RUNX1: variants seen among roughly 807,000 people sequenced by gnomAD.
RUNX1 encodes the protein RUNX family transcription factor 1, also known as runt-related transcription factor 1.
A neutral mutation model predicts 42.8 loss-of-function variants in RUNX1; 19 were observed. The observed-to-expected ratio is 0.44, with a 90% CI of 0.31 to 0.65. The LOEUF (loss-of-function observed/expected upper bound fraction) is 0.65, where lower values mean the gene tolerates loss of function less well. RUNX1 is among the 30% of genes least tolerant of loss of function. RUNX1 has a pLI of 0.07. For missense variants in RUNX1, 528 were observed against 672.0 expected, an observed-to-expected ratio of 0.79 and a Z score of 2.37; for synonymous variants, 271 against 289.4, an observed-to-expected ratio of 0.94 and a Z score of 0.64.
chr21:34,809,884 C>T (rs190038783), intron 7 of RUNX1, among the ~76,000 whole-genome samples: 5 of 152,184 alleles, frequency 3.3e-5, no homozygotes, highest in African/African-American at 4.8e-5. Context: ...AAATGATGAA[C>T]CCCCTAACCT....
At chr21:34,968,355 G>A (rs537619445) in intron 2 of RUNX1, among the ~76,000 whole-genome samples, 104 of 152,286 alleles carry the variant, frequency 6.8e-4, no homozygotes, top group Non-Finnish European at 1.3e-3. Flanking sequence ...GTCCTTTGGC[G>A]TGGCCTCTGA....
At chr21:34,850,179 G>A (rs2146185245) in intron 6 of RUNX1, among the ~76,000 whole-genome samples, 1 of 152,340 alleles carries the variant, frequency 6.6e-6, no homozygotes, top group East Asian at 1.9e-4. Flanking sequence ...GGGATGCTGT[G>A]ACTGCCAACC....
At chr21:34,880,818 TTTC>T in intron 4 of RUNX1, 105 bp from the exon 5 acceptor site, 1 of 1,207,796 alleles carries the variant, frequency 8.3e-7, no homozygotes, top group Non-Finnish European at 1.2e-6. Context: ...TATTCAATGA[TTTC>T]TTTTTAGGTT....
intron 2 of RUNX1, among the ~76,000 whole-genome samples, chr21:34,994,824 T>C (rs570203996): frequency 1.2e-4 from 18 of 152,340 alleles, no homozygotes; most frequent in African/African-American, 3.8e-4. Context: ...TAGACTGACC[T>C]AAGAAAAGAG....
chr21:34,801,194 C>T (rs965546726), intron 7 of RUNX1, among the ~76,000 whole-genome samples: 4 of 151,730 alleles, frequency 2.6e-5, no homozygotes, highest in Non-Finnish European at 4.4e-5. Context: ...ATATAGTACT[C>T]CAATACTTTA....
intron 4 of RUNX1, among the ~76,000 whole-genome samples, chr21:34,883,188 A>T (rs2057931288): frequency 6.6e-6 from 1 of 152,220 alleles, no homozygotes; most frequent in South Asian, 2.1e-4. Context: ...AAATAAGAAA[A>T]GGCTGTTGAT....
chr21:34,952,012 T>C (rs796184921), intron 2 of RUNX1, among the ~76,000 whole-genome samples: 1 of 151,998 alleles, frequency 6.6e-6, no homozygotes, highest in Non-Finnish European at 1.5e-5. Flanking sequence ...ATAAAGAAAA[T>C]GTGGCACATA....
intron 2 of RUNX1, among the ~76,000 whole-genome samples, chr21:34,910,982 T>A (rs1026909064): frequency 5.3e-5 from 8 of 152,176 alleles, no homozygotes; most frequent in African/African-American, 1.9e-4. Context: ...TTGCCCCAGC[T>A]GGCTGTGAAC....
intron 2 of RUNX1, among the ~76,000 whole-genome samples, chr21:34,914,734 G>C (rs2058298724): frequency 6.6e-6 from 1 of 152,206 alleles, no homozygotes; most frequent in African/African-American, 2.4e-5. Context: ...AGACAGGTGA[G>C]AGAATTCAGC....
intron 7 of RUNX1, among the ~76,000 whole-genome samples, chr21:34,825,495 C>CA (rs1244848185): frequency 6.6e-6 from 1 of 152,190 alleles, no homozygotes; most frequent in Non-Finnish European, 1.5e-5. Context: ...ATGTTGCGTT[C>CA]AAACAAATGA....
At chr21:34,956,393 A>G (rs1170941296) in intron 2 of RUNX1, among the ~76,000 whole-genome samples, 1 of 152,216 alleles carries the variant, frequency 6.6e-6, no homozygotes, top group Non-Finnish European at 1.5e-5. Context: ...CATACAGAAC[A>G]AGGATATAAG....
chr21:34,991,328 C>T (rs932506266), intron 2 of RUNX1, among the ~76,000 whole-genome samples: 3 of 152,202 alleles, frequency 2.0e-5, no homozygotes, highest in Non-Finnish European at 4.4e-5. Flanking sequence ...TTCACATCTG[C>T]CATGGCTCCC....
intron 2 of RUNX1, among the ~76,000 whole-genome samples, chr21:35,030,767 T>C (rs2059267285): frequency 6.6e-6 from 1 of 151,998 alleles, no homozygotes; most frequent in Non-Finnish European, 1.5e-5. Flanking sequence ...AAAGGAAACA[T>C]TCAACAGAAT....
intron 4 of RUNX1, among the ~76,000 whole-genome samples, chr21:34,886,006 T>C (rs1174420174): frequency 3.3e-5 from 5 of 152,172 alleles, no homozygotes; most frequent in African/African-American, 7.2e-5. Context: ...GCTCAAAGCT[T>C]TGGGGATGAT....
intron 2 of RUNX1, among the ~76,000 whole-genome samples, chr21:34,921,121 AGT>A (rs781258402): frequency 6.6e-6 from 1 of 152,228 alleles, no homozygotes; most frequent in Non-Finnish European, 1.5e-5. Flanking sequence ...GGCCTCTCAA[AGT>A]GTTGGGATTA....
At chr21:35,043,094 G>A (rs2059371106) in intron 2 of RUNX1, among the ~76,000 whole-genome samples, 1 of 152,138 alleles carries the variant, frequency 6.6e-6, no homozygotes, top group African/African-American at 2.4e-5. Context: ...CATGTTGAAG[G>A]TGACAGGAGG....
At chr21:35,022,895 G>GAATAAT (rs71196925) in intron 2 of RUNX1, among the ~76,000 whole-genome samples, 2,531 of 144,258 alleles carry the variant, frequency 0.018, 52 homozygotes, top group African/African-American at 0.042. Flanking sequence ...TACTCTGTTT[G>GAATAAT]AATAATAATA....
At chr21:34,893,024 G>T in intron 2 of RUNX1, 61 bp from the exon 3 acceptor site, 1 of 1,142,824 alleles carries the variant, frequency 8.8e-7, no homozygotes, top group Non-Finnish European at 1.3e-6. Flanking sequence ...ACTTTCCCCC[G>T]ACTTTTTTTT....
chr21:34,833,880 T>G, intron 7 of RUNX1: 1 of 250,514 alleles, frequency 4.0e-6, no homozygotes, highest in Non-Finnish European at 8.1e-6. Context: ...TCTCTATTGA[T>G]TTGCAAATAA....
Sources: allele counts gnomAD v4.1 joint callset (sites outside exome capture counted in the v4.1 genomes callset), GRCh38; gene constraint gnomAD v4.1.1; transcripts MANE v1.5; gene names NCBI Gene and HGNC (gene_info 2026-07-23, HGNC 2026-07-21).